MARCHF1: variants seen among roughly 807,000 people sequenced by gnomAD.
MARCHF1 encodes membrane associated ring-CH-type finger 1.
MARCHF1 carries 40 observed loss-of-function variants against 54.2 expected under a neutral mutation model. The observed-to-expected ratio is 0.74, with a 90% CI of 0.57 to 0.96. MARCHF1 has a LOEUF of 0.96. MARCHF1 is among the 40% of genes least tolerant of loss of function. The pLI is 0.00. For missense variants in MARCHF1, 586 were observed against 656.5 expected, an observed-to-expected ratio of 0.89 and a Z score of 1.17; for synonymous variants, 236 against 236.3, an observed-to-expected ratio of 1.00 and a Z score of 0.01.
intron 1 of MARCHF1, among the ~76,000 whole-genome samples, chr4:164,192,560 C>T (rs1202208352): frequency 6.6e-6 from 1 of 152,030 alleles, no homozygotes; most frequent in African/African-American, 2.4e-5. Context: ...AAAGTGGGCT[C>T]CTCTTGTCCA....
At chr4:163,700,755 T>G in intron 5 of MARCHF1, 58 bp downstream of exon 5, 1 of 1,232,040 alleles carries the variant, frequency 8.1e-7, no homozygotes, top group Non-Finnish European at 1.2e-6. Context: ...TTATAAACAT[T>G]TATGTGAACT....
intron 3 of MARCHF1, among the ~76,000 whole-genome samples, chr4:163,869,461 C>CTGCA (rs1750123726): frequency 6.6e-6 from 1 of 152,068 alleles, no homozygotes; most frequent in Non-Finnish European, 1.5e-5. Context: ...ACCTGAGAGA[C>CTGCA]TGCAATTCCA....
chr4:164,041,742 G>A (rs1046833528), intron 2 of MARCHF1, among the ~76,000 whole-genome samples: 43 of 152,156 alleles, frequency 2.8e-4, no homozygotes, highest in African/African-American at 9.4e-4. Flanking sequence ...AAACTCTGCA[G>A]GTAGGGCCCA....
intron 1 of MARCHF1, among the ~76,000 whole-genome samples, chr4:164,276,500 A>C (rs1357527673): frequency 6.6e-6 from 1 of 151,648 alleles, no homozygotes; most frequent in African/African-American, 2.4e-5. Context: ...GTACATGTGC[A>C]CACACACTAT....
chr4:164,356,774 G>GAAAAGAAAAAAAAAAAAAAA (rs1730557023), intron 1 of MARCHF1, among the ~76,000 whole-genome samples: 1 of 78,306 alleles, frequency 1.3e-5, no homozygotes, highest in Non-Finnish European at 2.4e-5. Context: ...AAAAAAAAAA[G>GAAAAGAAAAAAAAAAAAAAA]AAAAGCAAAA....
At chr4:163,745,277 AT>A (rs1178981796) in intron 4 of MARCHF1, among the ~76,000 whole-genome samples, 5 of 149,580 alleles carry the variant, frequency 3.3e-5, no homozygotes, top group Admixed American at 6.7e-5. Context: ...ACACCTGGCT[AT>A]TTTTTTTTGT....
chr4:164,233,594 G>A (rs148039314), intron 1 of MARCHF1, among the ~76,000 whole-genome samples: 137 of 152,198 alleles, frequency 9.0e-4, no homozygotes, highest in Middle Eastern at 3.4e-3. Flanking sequence ...TGGTGGCTGC[G>A]GATGATGTCC....
intron 1 of MARCHF1, among the ~76,000 whole-genome samples, chr4:164,297,795 T>A (rs7665343): frequency 4.0e-5 from 6 of 151,866 alleles, no homozygotes; most frequent in Non-Finnish European, 8.8e-5. Context: ...TTTCTATAAA[T>A]CTAAATTTAA....
intron 5 of MARCHF1, among the ~76,000 whole-genome samples, chr4:163,685,659 G>T (rs1314218288): frequency 1.3e-5 from 2 of 152,186 alleles, no homozygotes; most frequent in East Asian, 3.9e-4. Context: ...TTACCATGTT[G>T]GCCAGGCTGG....
chr4:163,541,542 G>A (rs1023704481), intron 9 of MARCHF1, among the ~76,000 whole-genome samples: 3 of 151,954 alleles, frequency 2.0e-5, no homozygotes, highest in Non-Finnish European at 4.4e-5. Context: ...TCCTGTCATC[G>A]CAGGGGAAAG....
chr4:164,231,157 C>A (rs545933499), intron 1 of MARCHF1, among the ~76,000 whole-genome samples: 19 of 152,146 alleles, frequency 1.2e-4, no homozygotes, highest in African/African-American at 4.6e-4. Context: ...CTACCAATAA[C>A]TCTATGTTGT....
At chr4:163,971,232 A>C (rs1392923491) in intron 3 of MARCHF1, among the ~76,000 whole-genome samples, 1 of 152,354 alleles carries the variant, frequency 6.6e-6, no homozygotes, top group South Asian at 2.1e-4. Flanking sequence ...GATAGAGTGT[A>C]AGGCAGGATG....
chr4:163,580,422 T>C (rs1431375097), intron 8 of MARCHF1, among the ~76,000 whole-genome samples: 6 of 152,128 alleles, frequency 3.9e-5, no homozygotes, highest in Non-Finnish European at 8.8e-5. Context: ...GGTGTTGATG[T>C]TGTTTAAAGC....
intron 4 of MARCHF1, among the ~76,000 whole-genome samples, chr4:163,811,945 G>C (rs1482871025): frequency 2.6e-5 from 4 of 152,152 alleles, no homozygotes; most frequent in Non-Finnish European, 5.9e-5. Context: ...TGAATTGCTA[G>C]ACTGAGTATA....
intron 5 of MARCHF1, among the ~76,000 whole-genome samples, chr4:163,682,591 C>T (rs988765641): frequency 1.3e-5 from 2 of 152,160 alleles, no homozygotes; most frequent in African/African-American, 4.8e-5. Flanking sequence ...GGCCAAGGTA[C>T]AGCTTGGGCC....
At chr4:164,140,526 T>A (rs1489741468) in intron 1 of MARCHF1, among the ~76,000 whole-genome samples, 1 of 152,120 alleles carries the variant, frequency 6.6e-6, no homozygotes, top group Non-Finnish European at 1.5e-5. Flanking sequence ...CTCCTCTTCC[T>A]TACCCCTCAC....
chr4:163,545,922 AGAGT>A (rs1738885642), intron 8 of MARCHF1, among the ~76,000 whole-genome samples, 179 bp from the exon 9 acceptor site: 1 of 151,670 alleles, frequency 6.6e-6, no homozygotes, highest in Non-Finnish European at 1.5e-5. Context: ...TATAACCTAG[AGAGT>A]TACATATAAC....
chr4:164,295,690 C>T (rs1232953640), intron 1 of MARCHF1, among the ~76,000 whole-genome samples: 1 of 152,108 alleles, frequency 6.6e-6, no homozygotes, highest in African/African-American at 2.4e-5. Context: ...CTCAATTCTG[C>T]CTATGAGATG....
At chr4:163,740,713 GA>G (rs1746169362) in intron 4 of MARCHF1, among the ~76,000 whole-genome samples, 2 of 152,188 alleles carry the variant, frequency 1.3e-5, no homozygotes, top group Admixed American at 6.5e-5. Context: ...ATGTTAGCAA[GA>G]TCTGCAGGAA....
Sources: gnomAD v4.1 joint callset for allele counts (sites outside exome capture counted in the v4.1 genomes callset) on GRCh38, gnomAD v4.1.1 for gene constraint, MANE v1.5 for transcripts, NCBI Gene and HGNC (gene_info 2026-07-23, HGNC 2026-07-21) for gene names.